The following CCSER1 variants were observed in gnomAD, a reference collection of about 807,000 sequenced individuals.
The protein encoded by CCSER1 is serine-rich coiled-coil domain-containing protein 1.
Under a neutral mutation model 82.0 loss-of-function variants are expected in CCSER1, and 41 were observed. The ratio of observed to expected loss-of-function variants is 0.50; its 90% CI spans 0.39 to 0.65. The LOEUF (loss-of-function observed/expected upper bound fraction) is 0.65, where lower values mean the gene tolerates loss of function less well. Among genes scored for constraint, CCSER1 ranks in the 30% least tolerant of loss-of-function variants. CCSER1 has a pLI of 0.00. For missense variants in CCSER1, 1,119 were observed against 1,064.2 expected (o/e 1.05, Z -0.72); for synonymous variants, 414 against 383.9 (o/e 1.08, Z -0.92).
At chr4:90,614,215 A>G (rs1473109633) in intron 5 of CCSER1, among the ~76,000 whole-genome samples, 2 of 152,182 alleles carry the variant, frequency 1.3e-5, no homozygotes, top group African/African-American at 2.4e-5. Flanking sequence ...GTGCCCATAT[A>G]GAAATCAAAC....
At chr4:90,484,125 A>G (rs1162105713) in intron 5 of CCSER1, among the ~76,000 whole-genome samples, 2 of 151,890 alleles carry the variant, frequency 1.3e-5, no homozygotes, top group African/African-American at 4.8e-5. Context: ...CATTCATTTC[A>G]TCTTCCATCA....
At chr4:90,576,145 T>G (rs1289607636) in intron 5 of CCSER1, among the ~76,000 whole-genome samples, 2 of 152,220 alleles carry the variant, frequency 1.3e-5, no homozygotes, top group Admixed American at 1.3e-4. Flanking sequence ...TTCATTTGTT[T>G]GCTTTTTTTC....
At chr4:90,172,372 A>G (rs758736326) in intron 1 of CCSER1, among the ~76,000 whole-genome samples, 1 of 151,896 alleles carries the variant, frequency 6.6e-6, no homozygotes, top group Non-Finnish European at 1.5e-5. Flanking sequence ...TAGTATGTAT[A>G]TTTCAAATGT....
intron 10 of CCSER1, among the ~76,000 whole-genome samples, chr4:91,518,746 C>G (rs573720019): frequency 6.6e-6 from 1 of 152,250 alleles, no homozygotes; most frequent in South Asian, 2.1e-4. Context: ...GGAGCAGAAC[C>G]ATTTCTGTGG....
chr4:90,491,776 A>T (rs951898671), intron 5 of CCSER1, among the ~76,000 whole-genome samples: 6 of 152,138 alleles, frequency 3.9e-5, no homozygotes, highest in African/African-American at 9.7e-5. Context: ...TGAGATAATC[A>T]TGTGGTTTTT....
intron 8 of CCSER1, among the ~76,000 whole-genome samples, chr4:90,915,370 C>A (rs114299240): frequency 6.6e-6 from 1 of 152,124 alleles, no homozygotes; most frequent in African/African-American, 2.4e-5. Flanking sequence ...ATACGCAAAC[C>A]AATAAACGTA....
At chr4:90,488,842 C>T (rs906283350) in intron 5 of CCSER1, among the ~76,000 whole-genome samples, 1 of 152,018 alleles carries the variant, frequency 6.6e-6, no homozygotes, top group Admixed American at 6.6e-5. Context: ...TCTTTTAGAA[C>T]CATCAATTAA....
intron 5 of CCSER1, among the ~76,000 whole-genome samples, chr4:90,495,310 G>C (rs1488195188): frequency 2.0e-5 from 3 of 152,072 alleles, no homozygotes; most frequent in African/African-American, 4.8e-5. Context: ...AAAGCTATAA[G>C]GATTAGTGTT....
At chr4:90,327,193 G>A (rs759546245) in intron 3 of CCSER1, among the ~76,000 whole-genome samples, 4 of 152,134 alleles carry the variant, frequency 2.6e-5, no homozygotes, top group Non-Finnish European at 5.9e-5. Flanking sequence ...AACTCAGGCA[G>A]CAAGTGGAAA....
intron 1 of CCSER1, among the ~76,000 whole-genome samples, chr4:90,152,607 T>C (rs986314570): frequency 6.6e-6 from 1 of 152,158 alleles, no homozygotes; most frequent in African/African-American, 2.4e-5. Flanking sequence ...CACAGTGGAT[T>C]ATGTGAACAT....
At chr4:91,163,704 T>G (rs1731703952) in intron 10 of CCSER1, among the ~76,000 whole-genome samples, 1 of 152,216 alleles carries the variant, frequency 6.6e-6, no homozygotes, top group South Asian at 2.1e-4. Context: ...CTTGTCTCTT[T>G]TGATCTTTGT....
intron 10 of CCSER1, among the ~76,000 whole-genome samples, chr4:91,209,445 C>G (rs951936942): frequency 2.0e-5 from 3 of 151,890 alleles, no homozygotes; most frequent in African/African-American, 7.2e-5. Context: ...TTATTGAAAG[C>G]CTTTCCTGCA....
intron 3 of CCSER1, among the ~76,000 whole-genome samples, chr4:90,362,684 C>T (rs1745575264): frequency 6.6e-6 from 1 of 152,130 alleles, no homozygotes; most frequent in Non-Finnish European, 1.5e-5. Flanking sequence ...TGCCCTGATT[C>T]TGCAGAGAGG....
intron 10 of CCSER1, among the ~76,000 whole-genome samples, chr4:91,350,824 A>G (rs1748421800): frequency 6.6e-6 from 1 of 151,996 alleles, no homozygotes; most frequent in Non-Finnish European, 1.5e-5. Flanking sequence ...AGTAGGCTAT[A>G]TTTTTAATGA....
chr4:90,232,507 A>T (rs1578646625), intron 1 of CCSER1, among the ~76,000 whole-genome samples: 1 of 151,846 alleles, frequency 6.6e-6, no homozygotes, highest in African/African-American at 2.4e-5. Flanking sequence ...TTAGACCTAA[A>T]ACCATAAAAA....
chr4:90,848,490 G>C (rs1763467885), intron 8 of CCSER1, among the ~76,000 whole-genome samples: 1 of 152,112 alleles, frequency 6.6e-6, no homozygotes, highest in Non-Finnish European at 1.5e-5. Flanking sequence ...CTCCAAGTCT[G>C]ACAGTGCCTC....
chr4:90,795,824 C>G (rs1387596856), intron 7 of CCSER1, among the ~76,000 whole-genome samples: 1 of 151,304 alleles, frequency 6.6e-6, no homozygotes, highest in East Asian at 1.9e-4. Context: ...TTGAACCAAC[C>G]TTACATCTCA....
chr4:90,734,159 T>C (rs943036135), intron 7 of CCSER1, among the ~76,000 whole-genome samples: 1 of 152,210 alleles, frequency 6.6e-6, no homozygotes, highest in African/African-American at 2.4e-5. Flanking sequence ...GGAATCTCGC[T>C]TTGTCGCCCA....
intron 3 of CCSER1, among the ~76,000 whole-genome samples, chr4:90,363,336 T>C (rs1329049633): frequency 6.6e-6 from 1 of 152,204 alleles, no homozygotes; most frequent in East Asian, 1.9e-4. Flanking sequence ...ATTTTTCTGT[T>C]AAATTTGTTT....
Sources: allele counts gnomAD v4.1 joint callset (sites outside exome capture counted in the v4.1 genomes callset), GRCh38; gene constraint gnomAD v4.1.1; transcripts MANE v1.5; gene names NCBI Gene and HGNC (gene_info 2026-07-23, HGNC 2026-07-21).